The following SHISA6 variants were observed in gnomAD, a reference collection of about 807,000 sequenced individuals.
SHISA6 encodes protein shisa-6.
In SHISA6, 22 loss-of-function variants were observed where a neutral mutation model predicts 47.9. The observed-to-expected ratio is 0.46, with a 90% confidence interval of 0.33 to 0.66. SHISA6 has a LOEUF of 0.66. Ranked by LOEUF, SHISA6 falls within the 30% of genes least tolerant of loss-of-function variation. SHISA6 has a pLI of 0.02. For missense variants in SHISA6, 680 were observed against 764.6 expected (o/e 0.89, Z 1.30); for synonymous variants, 388 against 337.8 (o/e 1.15, Z -1.63).
chr17:11,318,370 C>T (rs766458076), intron 2 of SHISA6, among the ~76,000 whole-genome samples: 4 of 152,118 alleles, frequency 2.6e-5, no homozygotes, highest in Admixed American at 6.5e-5. Flanking sequence ...TTGTGAGCTC[C>T]GACCACACTA....
At chr17:11,352,758 A>T (rs1359559081) in intron 2 of SHISA6, among the ~76,000 whole-genome samples, 1 of 152,216 alleles carries the variant, frequency 6.6e-6, no homozygotes, top group African/African-American at 2.4e-5. Context: ...GGGCTGATGT[A>T]GGTCAAACAG....
At chr17:11,444,445 C>T (rs529627972) in intron 3 of SHISA6, among the ~76,000 whole-genome samples, 230 of 152,074 alleles carry the variant, frequency 1.5e-3, no homozygotes, top group Non-Finnish European at 2.7e-3. Context: ...ATGTGAAATT[C>T]CCTTTGAGGG....
intron 2 of SHISA6, among the ~76,000 whole-genome samples, chr17:11,368,636 T>G (rs1284151564): frequency 1.3e-5 from 2 of 152,138 alleles, no homozygotes. Context: ...TGGGGTTTTT[T>G]GTTTTTCGTT....
chr17:11,398,693 A>G (rs910643366), intron 3 of SHISA6, among the ~76,000 whole-genome samples: 2 of 152,068 alleles, frequency 1.3e-5, no homozygotes, highest in African/African-American at 2.4e-5. Flanking sequence ...CCCGGGTTCA[A>G]GCAAATCTCC....
At chr17:11,540,504 G>T (rs202162845) in intron 3 of SHISA6, among the ~76,000 whole-genome samples, 1 of 152,100 alleles carries the variant, frequency 6.6e-6, no homozygotes, top group African/African-American at 2.4e-5. Flanking sequence ...GGCCCAGTTT[G>T]GCTAAAGCTC....
At chr17:11,382,983 G>T (rs1913070995) in intron 3 of SHISA6, among the ~76,000 whole-genome samples, 1 of 129,750 alleles carries the variant, frequency 7.7e-6, no homozygotes, top group Non-Finnish European at 1.6e-5. Flanking sequence ...GCCACCTAAG[G>T]CTGGAGTGCA....
intron 3 of SHISA6, among the ~76,000 whole-genome samples, chr17:11,418,840 A>G (rs1914362966): frequency 6.6e-6 from 1 of 152,108 alleles, no homozygotes; most frequent in Non-Finnish European, 1.5e-5. Context: ...TGGGTCTTGT[A>G]TGGTCTGTGG....
chr17:11,488,677 T>C (rs974694211), intron 3 of SHISA6, among the ~76,000 whole-genome samples: 1 of 152,198 alleles, frequency 6.6e-6, no homozygotes, highest in Admixed American at 6.5e-5. Context: ...TTCCTCTACA[T>C]CCATCTTTCC....
Position 11,542,777 on chromosome 17 carries a change from G to A in SHISA6, c.896-9119G>A, listed in dbSNP as rs116664054. Reference sequence around the variant, plus strand: ...GCCTTCCTCTACCTCCTTCAGATGGGGGCCAACATGATTCTCTGTGAAGAC... The same window carrying A: ...GCCTTCCTCTACCTCCTTCAGATGGAGGCCAACATGATTCTCTGTGAAGAC... On this transcript the variant is annotated intron_variant, in intron 3 of 5. Transcript: ENST00000441885. 2.6e-3 allele frequency among the ~76,000 whole-genome samples: 397 copies of A among 152,204 alleles called. 2 individuals are homozygous for A. The highest frequency in any genetic ancestry group is 8.9e-3 in the African/African-American group (368 of 41,536).
rs958030415 is a variant in SHISA6, at chr17:11,274,415, C to T, written c.799+10889C>T. ...GCAAAACGAAGGAAGCAACAGAGCGCGGTGCAGTGACAGGAGCGAGAGGGT... is the reference window on the plus strand; with the variant it reads ...GCAAAACGAAGGAAGCAACAGAGCGTGGTGCAGTGACAGGAGCGAGAGGGT... On this transcript the variant is annotated intron_variant, in intron 2 of 5. Transcript: ENST00000441885. Among the ~76,000 whole-genome samples, 7 of 152,170 alleles carry T rather than the reference C, an allele frequency of 4.6e-5. No individual in the cohort carries two copies. In the East Asian group the frequency reaches 7.7e-4, roughly 17 times the overall value.
chr17:11,519,603 G>A (rs1052560942), intron 3 of SHISA6, among the ~76,000 whole-genome samples: 2 of 152,074 alleles, frequency 1.3e-5, no homozygotes, highest in Admixed American at 6.5e-5. Flanking sequence ...CGTACTTAAC[G>A]CCACTGACCT....
chr17:11,437,862 C>G (rs1332254980), intron 3 of SHISA6, among the ~76,000 whole-genome samples: 1 of 152,192 alleles, frequency 6.6e-6, no homozygotes, highest in Non-Finnish European at 1.5e-5. Flanking sequence ...TGGGGAGATT[C>G]ACCAGAGTCT....
intron 3 of SHISA6, among the ~76,000 whole-genome samples, chr17:11,546,399 G>A (rs962879320): frequency 2.0e-5 from 3 of 152,182 alleles, no homozygotes; most frequent in Non-Finnish European, 4.4e-5. Flanking sequence ...ACCATTCTAT[G>A]AGAATGAGGA....
At chr17:11,422,838 C>T (rs1430567078) in intron 3 of SHISA6, among the ~76,000 whole-genome samples, 6 of 150,974 alleles carry the variant, frequency 4.0e-5, no homozygotes, top group Non-Finnish European at 8.8e-5. Context: ...GTAGCCTCAA[C>T]AGGAAAACAT....
chr17:11,424,156 T>C (rs184917633), intron 3 of SHISA6, among the ~76,000 whole-genome samples: 1 of 152,294 alleles, frequency 6.6e-6, no homozygotes, highest in Admixed American at 6.5e-5. Context: ...AGAGTAGTTT[T>C]CAACATTGAT....
chr17:11,465,271 C>T (rs1029097294), intron 3 of SHISA6, among the ~76,000 whole-genome samples: 1 of 152,232 alleles, frequency 6.6e-6, no homozygotes, highest in Non-Finnish European at 1.5e-5. Context: ...GGGGAAGCAT[C>T]GGCTATAGCA....
intron 3 of SHISA6, among the ~76,000 whole-genome samples, chr17:11,446,912 AT>A (rs1321124617): frequency 6.6e-6 from 1 of 152,328 alleles, no homozygotes; most frequent in Middle Eastern, 3.4e-3. Context: ...CTTATGGAAT[AT>A]TCTATTTCTT....
At position 11,302,297 on chromosome 17, in the gene SHISA6, A is replaced by G. The variant is rs557530844; in HGVS notation, c.799+38771A>G. Among the ~76,000 whole-genome samples the G allele has an allele frequency of 4.6e-5, 7 of 152,280 alleles. No homozygotes were observed. The East Asian group carries it at 1.2e-3, about 25-fold the overall frequency. ...CAGCAAAATTTGAGGAGTTGTAGAG[A>G]GTGAAATAGACCACAAAATGTTATG... On this transcript the variant is annotated intron_variant, in intron 2 of 5. Coordinates refer to ENST00000441885, the MANE Select transcript of SHISA6 (RefSeq NM_207386.4).
intron 2 of SHISA6, among the ~76,000 whole-genome samples, chr17:11,275,822 C>T (rs1908866802): frequency 6.6e-6 from 1 of 152,070 alleles, no homozygotes; most frequent in Non-Finnish European, 1.5e-5. Flanking sequence ...GGCTAGAAGT[C>T]AGAGATGAGG....
Sources: gnomAD v4.1 joint callset for allele counts (sites outside exome capture counted in the v4.1 genomes callset) on GRCh38, gnomAD v4.1.1 for gene constraint, MANE v1.5 for transcripts, NCBI Gene and HGNC (gene_info 2026-07-23, HGNC 2026-07-21) for gene names.